Variants in FGF12 observed in about 807,000 individuals in gnomAD.
FGF12 encodes the protein fibroblast growth factor 12B.
FGF12 carries 14 observed loss-of-function variants against 23.6 expected under a neutral mutation model. The ratio of observed to expected loss-of-function variants is 0.59; its 90% CI spans 0.39 to 0.93. The LOEUF is 0.93. FGF12 is among the 40% of genes least tolerant of loss of function. The pLI is 0.00. For missense variants in FGF12, 175 were observed against 217.8 expected (o/e 0.80, Z 1.24); for synonymous variants, 62 against 77.3 (o/e 0.80, Z 1.04).
At chr3:192,243,446 A>G (rs535042176) in intron 4 of FGF12, among the ~76,000 whole-genome samples, 1 of 152,010 alleles carries the variant, frequency 6.6e-6, no homozygotes, top group Admixed American at 6.6e-5. Context: ...AGTAAAGCAT[A>G]TATGTATATT....
At chr3:192,403,139 C>T (rs894548891) in intron 2 of FGF12, among the ~76,000 whole-genome samples, 20 of 152,266 alleles carry the variant, frequency 1.3e-4, no homozygotes, top group Admixed American at 8.5e-4. Context: ...TTTATTCTCT[C>T]ACCAAGAATA....
intron 2 of FGF12, among the ~76,000 whole-genome samples, chr3:192,592,289 T>G (rs1713658489): frequency 6.6e-6 from 1 of 151,886 alleles, no homozygotes; most frequent in Non-Finnish European, 1.5e-5. Context: ...GTCTTCGTTA[T>G]TTGCCCCTGT....
In FGF12 at chr3:192,260,339, A is replaced by G. The variant is rs145472678; in HGVS notation, c.228+75022T>C. On this transcript the variant is annotated intron_variant, in intron 4 of 5. Transcript: ENST00000445105. ...TGAAGACAAATGTTATATTTTATAC[A>G]TCTTTGATCTCCCACCAAATTTTTA... 4.1e-3 allele frequency among the ~76,000 whole-genome samples: 624 copies of G among 152,272 alleles called. 4 individuals carry two copies. Among genetic ancestry groups the G allele is most frequent in the African/African-American group, 0.015 (603 of 41,568 alleles).
intron 2 of FGF12, among the ~76,000 whole-genome samples, chr3:192,656,657 T>C (rs1716439390): frequency 1.3e-5 from 2 of 152,128 alleles, no homozygotes; most frequent in Non-Finnish European, 1.5e-5. Context: ...AAGCCATACA[T>C]ATCCAGTAAC....
chr3:192,416,631 T>A, intron 2 of FGF12, among the ~76,000 whole-genome samples: 1 of 152,234 alleles, frequency 6.6e-6, no homozygotes, highest in East Asian at 1.9e-4. Context: ...CAATAAAAAT[T>A]TAACAAGATG....
chr3:192,224,841 T>C (rs913567597), intron 4 of FGF12, among the ~76,000 whole-genome samples: 2 of 152,194 alleles, frequency 1.3e-5, no homozygotes, highest in African/African-American at 4.8e-5. Flanking sequence ...ATTCTTGCAG[T>C]GACCTCTTCT....
intron 2 of FGF12, among the ~76,000 whole-genome samples, chr3:192,595,246 A>G (rs1875732): frequency 0.48 from 73,659 of 151,994 alleles, 18,259 homozygotes; most frequent in African/African-American, 0.59. Flanking sequence ...GTATATTTGT[A>G]AGACAGTCAT....
At chr3:192,220,323 C>T (rs1177869713) in intron 4 of FGF12, among the ~76,000 whole-genome samples, 3 of 152,154 alleles carry the variant, frequency 2.0e-5, no homozygotes, top group African/African-American at 7.2e-5. Context: ...CACCATTCTA[C>T]TTCCCTATTA....
intron 2 of FGF12, among the ~76,000 whole-genome samples, chr3:192,552,789 G>A (rs539208479): frequency 3.7e-4 from 57 of 152,194 alleles, no homozygotes; most frequent in African/African-American, 1.3e-3. Context: ...TACTCCGGAG[G>A]CTGAGGCATG....
intron 2 of FGF12, among the ~76,000 whole-genome samples, chr3:192,536,125 C>A (rs1235495120): frequency 2.6e-5 from 4 of 152,228 alleles, no homozygotes. Context: ...CTACAACCCA[C>A]ACACCAAATC....
chr3:192,259,351 T>C (rs1454136180), intron 4 of FGF12, among the ~76,000 whole-genome samples: 2 of 152,176 alleles, frequency 1.3e-5, no homozygotes, highest in African/African-American at 4.8e-5. Flanking sequence ...TAACAATAGA[T>C]GTTAAGGCTA....
chr3:192,680,582 G>C (rs1310879708), intron 2 of FGF12, among the ~76,000 whole-genome samples: 3 of 152,304 alleles, frequency 2.0e-5, no homozygotes, highest in East Asian at 3.9e-4. Context: ...CAATGAAAAA[G>C]ACCAGTGATT....
chr3:192,653,504 T>G (rs1207222853), intron 2 of FGF12, among the ~76,000 whole-genome samples: 1 of 152,148 alleles, frequency 6.6e-6, no homozygotes, highest in Non-Finnish European at 1.5e-5. Context: ...TTTTAAACAA[T>G]GCAGGCCAAA....
intron 2 of FGF12, among the ~76,000 whole-genome samples, chr3:192,513,779 A>G (rs1724565725): frequency 6.6e-6 from 1 of 152,170 alleles, no homozygotes; most frequent in Non-Finnish European, 1.5e-5. Flanking sequence ...TTCTCTTCCC[A>G]CACCCCACTC....
At chr3:192,592,495 T>C (rs1213287348) in intron 2 of FGF12, among the ~76,000 whole-genome samples, 10 of 151,808 alleles carry the variant, frequency 6.6e-5, no homozygotes, top group Non-Finnish European at 1.3e-4. Context: ...TATCGTTGTT[T>C]CTTTCTTAGG....
chr3:192,569,129 T>A (rs962929744), intron 2 of FGF12, among the ~76,000 whole-genome samples: 1 of 152,182 alleles, frequency 6.6e-6, no homozygotes, highest in African/African-American at 2.4e-5. Flanking sequence ...AAAAAAAATA[T>A]TGTCTGCAAA....
At chr3:192,535,874 A>C (rs1333757817) in intron 2 of FGF12, among the ~76,000 whole-genome samples, 1 of 152,188 alleles carries the variant, frequency 6.6e-6, no homozygotes. Flanking sequence ...GAGCTCATTC[A>C]TTCAATAACC....
At chr3:192,301,377 GT>G (rs1377993971) in intron 4 of FGF12, among the ~76,000 whole-genome samples, 1 of 152,168 alleles carries the variant, frequency 6.6e-6, no homozygotes, top group African/African-American at 2.4e-5. Flanking sequence ...ACTAATTATT[GT>G]TTAGTTACTC....
At chr3:192,562,495 T>A (rs73058597) in intron 2 of FGF12, among the ~76,000 whole-genome samples, 2,074 of 152,218 alleles carry the variant, frequency 0.014, 41 homozygotes, top group African/African-American at 0.047. Context: ...AAGTTCAAAA[T>A]TTGATTGAAA....
Sources: gnomAD v4.1 joint callset for allele counts (sites outside exome capture counted in the v4.1 genomes callset) on GRCh38, gnomAD v4.1.1 for gene constraint, MANE v1.5 for transcripts, NCBI Gene and HGNC (gene_info 2026-07-23, HGNC 2026-07-21) for gene names.